Variants in FRMPD4 observed in about 807,000 individuals in gnomAD.
FRMPD4 encodes FERM and PDZ domain containing 4.
FRMPD4 carries 22 observed loss-of-function variants against 94.1 expected under a neutral mutation model. The ratio of observed to expected loss-of-function variants is 0.23; its 90% CI spans 0.17 to 0.33. The LOEUF is 0.33. Ranked by LOEUF, FRMPD4 falls within the 10% of genes least tolerant of loss-of-function variation. FRMPD4 has a pLI of 1.00. For synonymous variants in FRMPD4, 631 were observed against 548.6 expected (o/e 1.15, Z -2.10); for missense variants, 1,111 against 1,339.9 (o/e 0.83, Z 2.67).
At chrX:12,549,348 TCA>T (rs1055152939) in intron 2 of FRMPD4, among the ~76,000 whole-genome samples, 5 of 112,128 alleles carry the variant, frequency 4.5e-5, no homozygotes, top group Non-Finnish European at 9.4e-5. Flanking sequence ...GTCATTTAAT[TCA>T]CAGAGTGGAT....
intron 2 of FRMPD4, among the ~76,000 whole-genome samples, chrX:12,527,717 C>T (rs181894663): frequency 1.3e-4 from 15 of 111,473 alleles, no homozygotes; most frequent in Non-Finnish European, 1.1e-4. Context: ...CCCTTGTAAA[C>T]GTTAGTTCCT....
At chrX:11,974,336 T>C (rs1372502103) in intron 3 of FRMPD4, among the ~76,000 whole-genome samples, 1 of 111,349 alleles carries the variant, frequency 9.0e-6, no homozygotes, top group Non-Finnish European at 1.9e-5. Flanking sequence ...CACCTCCCAC[T>C]CTTTCGCTTG....
intron 3 of FRMPD4, among the ~76,000 whole-genome samples, chrX:11,910,554 C>G (rs1295428282): frequency 3.6e-5 from 4 of 111,074 alleles, no homozygotes; most frequent in Non-Finnish European, 7.5e-5. Context: ...GCTGGAACTA[C>G]AGGCGCGTGC....
intron 3 of FRMPD4, among the ~76,000 whole-genome samples, chrX:12,612,037 T>C (rs1035684332): frequency 9.0e-6 from 1 of 111,608 alleles, no homozygotes. Flanking sequence ...ACATATGTAA[T>C]ACATATGAGA....
chrX:12,063,394 A>C (rs2147462569), intron 3 of FRMPD4, among the ~76,000 whole-genome samples: 1 of 112,067 alleles, frequency 8.9e-6, no homozygotes, highest in South Asian at 3.8e-4. Context: ...ACAAACAAAC[A>C]AAAAAATGTT....
chrX:12,403,383 C>A (rs182268102), intron 1 of FRMPD4, among the ~76,000 whole-genome samples: 1 of 111,146 alleles, frequency 9.0e-6, no homozygotes, highest in East Asian at 2.9e-4. Context: ...CCCCTCAAAT[C>A]TCATTATTCA....
rs771870297 is a variant in FRMPD4, at chrX:12,129,763, T to A, written c.95+251745T>A. ...AGTTTTCTGGCTGTGTGGTCTCTAA[T>A]CATTTAACTTCCTAGGACCTCAGGA... On this transcript the variant is annotated intron_variant, in intron 3 of 18. Coordinates refer to the FRMPD4 transcript ENST00000640291. 3.6e-5 allele frequency among the ~76,000 whole-genome samples: 4 copies of A among 111,822 alleles called. No individual in the cohort carries two copies. The South Asian group carries it at 1.5e-3, about 42-fold the overall frequency.
chrX:12,548,218 G>A (rs760967699), intron 2 of FRMPD4, among the ~76,000 whole-genome samples: 18 of 111,962 alleles, frequency 1.6e-4, no homozygotes, highest in African/African-American at 1.9e-4. Flanking sequence ...AACTAAAGAT[G>A]AAGGAATTTC....
rs1010797093 is a variant in FRMPD4, at chrX:11,941,322, A to AT, written c.95+63312dup. Among the ~76,000 whole-genome samples, 8 of 109,095 alleles carry AT rather than the reference A, an allele frequency of 7.3e-5. 1 individual carries two copies. Among genetic ancestry groups the AT allele is most frequent in the African/African-American group, 1.7e-4 (5 of 30,175 alleles). 94.7% of individuals were successfully genotyped at this position (109,095 alleles called of 115,157 possible). Reference sequence around the variant, plus strand: ...CATCTTGGCTCCTCCCTCCCTGGTGATTTTTTTTAACAGTATTGTTGGGAG... The same window carrying AT: ...CATCTTGGCTCCTCCCTCCCTGGTGATTTTTTTTTAACAGTATTGTTGGGAG... On this transcript the variant is annotated intron_variant, in intron 3 of 18. Transcript: ENST00000640291.
At chrX:11,848,724 A>G (rs1569110336) in intron 1 of FRMPD4, among the ~76,000 whole-genome samples, 1 of 110,613 alleles carries the variant, frequency 9.0e-6, no homozygotes, top group African/African-American at 3.3e-5. Flanking sequence ...CTAACCTACC[A>G]GTCCATTGCT....
At chrX:11,888,204 G>T (rs1481526815) in intron 3 of FRMPD4, among the ~76,000 whole-genome samples, 1 of 111,395 alleles carries the variant, frequency 9.0e-6, no homozygotes, top group Non-Finnish European at 1.9e-5. Flanking sequence ...TGGATGAGAG[G>T]GCTAAAGATG....
At chrX:12,286,376 G>A (rs2054600023) in intron 1 of FRMPD4, among the ~76,000 whole-genome samples, 1 of 110,966 alleles carries the variant, frequency 9.0e-6, no homozygotes, top group African/African-American at 3.3e-5. Context: ...TCTATAATAT[G>A]AGGAGAACCC....
chrX:12,275,605 A>C (rs370813397), intron 1 of FRMPD4, among the ~76,000 whole-genome samples: 1 of 108,545 alleles, frequency 9.2e-6, no homozygotes, highest in South Asian at 4.1e-4. Flanking sequence ...TGGAATTTCA[A>C]GCAGAGGACT....
At chrX:12,294,246 A>T (rs914457197) in intron 1 of FRMPD4, among the ~76,000 whole-genome samples, 1 of 111,360 alleles carries the variant, frequency 9.0e-6, no homozygotes, top group Non-Finnish European at 1.9e-5. Context: ...TGTAAAGACT[A>T]TTGCTCCATA....
At chrX:12,334,639 G>A (rs757743101) in intron 1 of FRMPD4, among the ~76,000 whole-genome samples, 2 of 108,593 alleles carry the variant, frequency 1.8e-5, no homozygotes, top group Non-Finnish European at 3.8e-5. Context: ...CTTATGTATA[G>A]GCAGGTAGCT....
At chrX:12,577,971 G>A (rs2058828087) in intron 2 of FRMPD4, among the ~76,000 whole-genome samples, 1 of 112,606 alleles carries the variant, frequency 8.9e-6, no homozygotes, top group Non-Finnish European at 1.9e-5. Flanking sequence ...TAGTGTGCCA[G>A]CATGGTCAGT....
At chrX:12,002,583 CTTTG>C (rs1197132001) in intron 3 of FRMPD4, among the ~76,000 whole-genome samples, 4 of 111,787 alleles carry the variant, frequency 3.6e-5, no homozygotes, top group Non-Finnish European at 7.5e-5. Flanking sequence ...AACTGAGAGC[CTTTG>C]TTTGTGTTCA....
In FRMPD4 at chrX:12,683,491, A is replaced by G. The variant is rs755292102; in HGVS notation, c.477A>G (p.Lys159=). ...LTVIQPYPSP[K]SAFISAAKKA... ...GTTTTCTTTTCTTCTAGTCTCCCAA[A>G]TCAGCATTTATTAGTGCTGCAAAAA... Residue 159 remains lysine, a synonymous_variant, in exon 6 of 17, where the codon AAA becomes AAG. Coordinates refer to ENST00000675598, the MANE Select transcript of FRMPD4 (RefSeq NM_001368397.1). The G allele has an allele frequency of 3.6e-6, 4 of 1,105,712 alleles. No individual in the cohort carries two copies. The East Asian group carries it at 1.2e-4, about 33-fold the overall frequency. The allele number at this position is 1,105,712 out of a possible 1,213,427, so 91.1% of individuals were successfully genotyped here. A position where few individuals can be genotyped will look rare whatever the true frequency, so the allele number is the denominator to read the frequency against.
intron 3 of FRMPD4, among the ~76,000 whole-genome samples, chrX:11,960,553 A>G (rs1418545035): frequency 1.8e-5 from 2 of 112,568 alleles, no homozygotes; most frequent in East Asian, 2.8e-4. Flanking sequence ...TGACTTCCAC[A>G]TGGATATTTG....
Sources: allele counts gnomAD v4.1 joint callset (sites outside exome capture counted in the v4.1 genomes callset), GRCh38; gene constraint gnomAD v4.1.1; transcripts MANE v1.5; gene names NCBI Gene and HGNC (gene_info 2026-07-23, HGNC 2026-07-21).